CCDC93: variants seen among roughly 807,000 people sequenced by gnomAD.
CCDC93 encodes coiled-coil domain-containing protein 93.
Under a neutral mutation model 108.2 loss-of-function variants are expected in CCDC93, and 61 were observed. The ratio of observed to expected loss-of-function variants is 0.56; its 90% CI spans 0.46 to 0.70. CCDC93 has a LOEUF of 0.70. Among genes scored for constraint, CCDC93 ranks in the 30% least tolerant of loss-of-function variants. CCDC93 has a pLI of 0.00. For missense variants in CCDC93, 685 were observed against 764.2 expected (o/e 0.90, Z 1.22); for synonymous variants, 276 against 260.4 (o/e 1.06, Z -0.58).
intron 7 of CCDC93, among the ~76,000 whole-genome samples, chr2:117,982,456 T>TA (rs1680174682): frequency 6.6e-6 from 1 of 152,174 alleles, no homozygotes; most frequent in Non-Finnish European, 1.5e-5. Flanking sequence ...ACTATGTTTT[T>TA]AACAGATAAA....
intron 8 of CCDC93, among the ~76,000 whole-genome samples, chr2:117,975,727 G>A (rs529954976): frequency 3.3e-5 from 5 of 152,340 alleles, no homozygotes; most frequent in Admixed American, 3.3e-4. Flanking sequence ...TTTGTAGTGA[G>A]GGGTTAGGTA....
At chr2:117,986,099 G>A (rs1680310130) in intron 6 of CCDC93, 30 bp from the exon 7 acceptor site, 1 of 1,361,410 alleles carries the variant, frequency 7.3e-7, no homozygotes, top group Non-Finnish European at 1.0e-6. Flanking sequence ...AAGTTACTGA[G>A]TGTGAGAAGG....
chr2:118,006,969 C>T (rs1676889551), intron 2 of CCDC93, among the ~76,000 whole-genome samples, 153 bp from the exon 3 acceptor site: 2 of 152,180 alleles, frequency 1.3e-5, no homozygotes, highest in Admixed American at 1.3e-4. Flanking sequence ...CTCCTTACCC[C>T]ATCAAGTACA....
intron 12 of CCDC93, 54 bp downstream of exon 12, chr2:117,958,311 T>C (rs1679280984): frequency 1.7e-6 from 2 of 1,189,162 alleles, no homozygotes; most frequent in Non-Finnish European, 2.5e-6. Context: ...GGAATCTCCT[T>C]TAACCAATCT....
rs989479412 is a variant in CCDC93 at position 117,942,046 on chromosome 2, G to A, written c.1414-749C>T. On this transcript the variant is annotated intron_variant, in intron 18 of 23. Coordinates refer to ENST00000376300, the MANE Select transcript of CCDC93 (RefSeq NM_019044.5). ...AGATGTGAATCTCTAATTCACTGGGGAAATAGGAGCCTCCTGGTGGGAAAC... is the reference window on the plus strand; with the variant it reads ...AGATGTGAATCTCTAATTCACTGGGAAAATAGGAGCCTCCTGGTGGGAAAC... Among the ~76,000 whole-genome samples the A allele has an allele frequency of 2.0e-5, 3 of 152,208 alleles. No homozygotes were observed. In the East Asian group the frequency reaches 5.8e-4, roughly 29 times the overall value.
At chr2:118,008,744 T>G (rs994376827) in intron 1 of CCDC93, 86 bp from the exon 2 acceptor site, 9 of 782,036 alleles carry the variant, frequency 1.2e-5, no homozygotes, top group African/African-American at 5.2e-5. Flanking sequence ...ACAAGCTCAT[T>G]GCCAAGGAGT....
At chr2:117,921,820 T>C (rs1038577646) in intron 23 of CCDC93, 3 of 151,912 alleles carry the variant, frequency 2.0e-5, no homozygotes, top group African/African-American at 7.3e-5. Context: ...AGGAAACAGG[T>C]GGGTGCTTGT....
At chr2:117,922,875 G>C in intron 23 of CCDC93, among the ~76,000 whole-genome samples, 1 of 152,096 alleles carries the variant, frequency 6.6e-6, no homozygotes, top group Non-Finnish European at 1.5e-5. Context: ...GGAGTAGCAA[G>C]CAAGTCCCTA....
intron 7 of CCDC93, among the ~76,000 whole-genome samples, chr2:117,981,955 T>G (rs1042620218): frequency 6.6e-6 from 1 of 152,140 alleles, no homozygotes; most frequent in African/African-American, 2.4e-5. Flanking sequence ...AAGCCCTAAA[T>G]ACCAAGGACT....
intron 1 of CCDC93, among the ~76,000 whole-genome samples, chr2:118,012,178 G>A (rs1003521353): frequency 1.3e-5 from 2 of 152,022 alleles, no homozygotes; most frequent in Non-Finnish European, 2.9e-5. Flanking sequence ...GAAGCCTGAG[G>A]CATAAGAATT....
In CCDC93 at chr2:117,973,900, C is replaced by T. The variant is rs772954527; in HGVS notation, c.888+8G>A. On this transcript the variant is annotated splice_region_variant and intron_variant, in intron 11 of 23. Coordinates refer to ENST00000376300, the MANE Select transcript of CCDC93 (RefSeq NM_019044.5). ...TGGGGCACAGACTCCAGCTGGGCCCCCACCTACCTTCTCTGCATACTCGGA... is the reference window on the plus strand; with the variant it reads ...TGGGGCACAGACTCCAGCTGGGCCCTCACCTACCTTCTCTGCATACTCGGA... 1 of 1,604,980 alleles carries T rather than the reference C, an allele frequency of 6.2e-7. No individual in the cohort carries two copies. Among genetic ancestry groups the T allele is most frequent in the East Asian group, 2.2e-5 (1 of 44,584 alleles).
chr2:118,003,101 C>T (rs1676756619), intron 3 of CCDC93, among the ~76,000 whole-genome samples: 1 of 152,190 alleles, frequency 6.6e-6, no homozygotes, highest in African/African-American at 2.4e-5. Context: ...CTCAGCCACT[C>T]CTGGTGCCCT....
At chr2:117,969,641 T>C (rs371760469) in intron 11 of CCDC93, among the ~76,000 whole-genome samples, 15 of 152,300 alleles carry the variant, frequency 9.8e-5, no homozygotes, top group African/African-American at 1.7e-4. Context: ...CCAGGCCTTG[T>C]TGCAAAACAT....
intron 1 of CCDC93, chr2:118,012,351 A>G (rs968597193): frequency 3.3e-5 from 5 of 152,178 alleles, no homozygotes; most frequent in African/African-American, 1.2e-4. Flanking sequence ...CCATATTTAT[A>G]TTTACTAGCT....
At chr2:117,987,603 C>CTGTG (rs894504473) in intron 6 of CCDC93, among the ~76,000 whole-genome samples, 3 of 152,168 alleles carry the variant, frequency 2.0e-5, no homozygotes, top group Non-Finnish European at 2.9e-5. Flanking sequence ...CCTCAATGGG[C>CTGTG]CTCAGTTTCT....
intron 7 of CCDC93, chr2:117,985,346 G>A (rs989548481): frequency 4.9e-5 from 20 of 405,352 alleles, no homozygotes; most frequent in Non-Finnish European, 6.3e-5. Context: ...CAGCACACAG[G>A]AGCCTCTCCC....
At chr2:117,941,894 G>A (rs997268605) in intron 18 of CCDC93, among the ~76,000 whole-genome samples, 1 of 152,224 alleles carries the variant, frequency 6.6e-6, no homozygotes, top group Non-Finnish European at 1.5e-5. Context: ...GCTCACTTGT[G>A]CATGGCTCCC....
intron 23 of CCDC93, among the ~76,000 whole-genome samples, chr2:117,930,256 A>G (rs1678282408): frequency 6.6e-6 from 1 of 152,212 alleles, no homozygotes; most frequent in Admixed American, 6.5e-5. Flanking sequence ...ACTCTGCTGT[A>G]TTTTCAGCAG....
intron 13 of CCDC93, chr2:117,950,190 C>G (rs1391800600): frequency 1.0e-6 from 1 of 984,816 alleles, no homozygotes; most frequent in Non-Finnish European, 1.2e-6. Context: ...GGTGGTAACC[C>G]GAAATTTTAA....
Sources: allele counts gnomAD v4.1 joint callset (sites outside exome capture counted in the v4.1 genomes callset), GRCh38; gene constraint gnomAD v4.1.1; transcripts MANE v1.5; gene names NCBI Gene and HGNC (gene_info 2026-07-23, HGNC 2026-07-21).